Variants in RAPGEF6 observed in about 807,000 individuals in gnomAD.
The protein encoded by RAPGEF6 is Rap guanine nucleotide exchange factor 6, also known as PDZ domain containing guanine nucleotide exchange factor (GEF) 2.
RAPGEF6 carries 56 observed loss-of-function variants against 171.4 expected under a neutral mutation model. The ratio of observed to expected loss-of-function variants is 0.33; its 90% CI spans 0.26 to 0.41. RAPGEF6 has a LOEUF of 0.41. RAPGEF6 is among the 10% of genes least tolerant of loss of function. RAPGEF6 has a pLI of 1.00. For synonymous variants in RAPGEF6, 692 were observed against 650.1 expected (o/e 1.06, Z -0.98); for missense variants, 1,674 against 1,921.4 (o/e 0.87, Z 2.41).
intron 8 of RAPGEF6, among the ~76,000 whole-genome samples, chr5:131,509,412 G>A (rs948285452): frequency 1.3e-5 from 2 of 151,854 alleles, no homozygotes; most frequent in African/African-American, 4.8e-5. Context: ...GCGTGGTGGC[G>A]GGCGCCTGTA....
chr5:131,605,814 A>C (rs1407740518), intron 1 of RAPGEF6, among the ~76,000 whole-genome samples: 1 of 151,902 alleles, frequency 6.6e-6, no homozygotes, highest in Non-Finnish European at 1.5e-5. Flanking sequence ...GCGGAACATG[A>C]GGTCAGGAGA....
intron 6 of RAPGEF6, among the ~76,000 whole-genome samples, chr5:131,521,916 C>G (rs1278826974): frequency 1.3e-5 from 2 of 151,524 alleles, no homozygotes; most frequent in Non-Finnish European, 3.0e-5. Context: ...CACACACACA[C>G]TCACTCTCCC....
intron 1 of RAPGEF6, among the ~76,000 whole-genome samples, chr5:131,614,364 GC>G (rs1192086996): frequency 6.6e-6 from 1 of 151,692 alleles, no homozygotes; most frequent in Non-Finnish European, 1.5e-5. Flanking sequence ...AAGAGGTTTG[GC>G]TCATGGTCCT....
intron 1 of RAPGEF6, among the ~76,000 whole-genome samples, chr5:131,606,345 T>A (rs547040227): frequency 7.3e-5 from 10 of 137,838 alleles, no homozygotes; most frequent in African/African-American, 1.4e-4. Flanking sequence ...GTCTAGGCGA[T>A]TGAGACTCCA....
chr5:131,626,259 C>T (rs1464962760), intron 1 of RAPGEF6, among the ~76,000 whole-genome samples: 1 of 152,146 alleles, frequency 6.6e-6, no homozygotes, highest in Admixed American at 6.6e-5. Flanking sequence ...AGCACTGCCC[C>T]ATCTCTAATT....
intron 7 of RAPGEF6, 27 bp from the exon 8 acceptor site, chr5:131,510,518 C>T: frequency 6.3e-7 from 1 of 1,592,188 alleles, no homozygotes. Flanking sequence ...TGATCACTTA[C>T]CATTTCATGT....
chr5:131,509,519 G>T (rs1489800295), intron 8 of RAPGEF6, among the ~76,000 whole-genome samples: 1 of 151,138 alleles, frequency 6.6e-6, no homozygotes, highest in East Asian at 1.9e-4. Flanking sequence ...CTCCAGCCTG[G>T]GCGACAGAGT....
rs180966167 is a variant in RAPGEF6 at position 131,455,354 on chromosome 5, G to A, written c.3076+447C>T. Among the ~76,000 whole-genome samples the A allele has an allele frequency of 1.1e-3, 174 of 152,280 alleles. 1 individual carries two copies. The highest frequency in any genetic ancestry group is 3.7e-3 in the African/African-American group (154 of 41,562). ...GCTCACTGTAAGCTCCGCCTCCCGG[G>A]CTCCTGCCATTCTCCTGCCTCAGCC... On this transcript the variant is annotated intron_variant, in intron 20 of 27. Coordinates refer to ENST00000509018, the MANE Select transcript of RAPGEF6 (RefSeq NM_016340.6).
At chr5:131,580,237 C>A (rs1414179866) in intron 4 of RAPGEF6, among the ~76,000 whole-genome samples, 1 of 152,208 alleles carries the variant, frequency 6.6e-6, no homozygotes, top group Non-Finnish European at 1.5e-5. Context: ...GCCGGCAGTG[C>A]TGGGGGAACC....
chr5:131,618,391 G>C (rs1472761092), intron 1 of RAPGEF6, among the ~76,000 whole-genome samples: 1 of 152,130 alleles, frequency 6.6e-6, no homozygotes, highest in Admixed American at 6.5e-5. Flanking sequence ...AGCACTTTGG[G>C]AGGTCAAGGT....
chr5:131,518,639 G>A (rs1458006860), intron 7 of RAPGEF6, among the ~76,000 whole-genome samples: 8 of 151,884 alleles, frequency 5.3e-5, no homozygotes, highest in African/African-American at 1.7e-4. Flanking sequence ...CAGGTGATCC[G>A]CCCACCTCTG....
chr5:131,439,928 G>T, intron 23 of RAPGEF6: 1 of 816,342 alleles, frequency 1.2e-6, no homozygotes, highest in Non-Finnish European at 1.8e-6. Flanking sequence ...GGTCAGCATG[G>T]ACCAGATTAT....
rs1229478116 is a variant in RAPGEF6 at position 131,616,340 on chromosome 5, A to G, written c.70-11647T>C. Among the ~76,000 whole-genome samples the G allele has an allele frequency of 2.6e-5, 4 of 152,216 alleles. No homozygotes were observed. The East Asian group carries it at 5.8e-4, about 22-fold the overall frequency. The stretch of plus-strand genomic sequence containing the variant: ...CAATTTAGTTGTTAAATGAAAATAA[A>G]CTCATATTTGGAGCACTGTATAAAC... On this transcript the variant is annotated intron_variant, in intron 1 of 27. Transcript: ENST00000509018.
At chr5:131,491,717 C>G (rs1254489024) in intron 14 of RAPGEF6, among the ~76,000 whole-genome samples, 1 of 152,120 alleles carries the variant, frequency 6.6e-6, no homozygotes, top group East Asian at 1.9e-4. Flanking sequence ...CTAGGGCACT[C>G]CTTATGAAAA....
chr5:131,530,595 A>G (rs1257587288), intron 6 of RAPGEF6, among the ~76,000 whole-genome samples: 1 of 152,214 alleles, frequency 6.6e-6, no homozygotes, highest in East Asian at 1.9e-4. Context: ...ATCAACAGTA[A>G]CATGAGGGAA....
At chr5:131,469,669 G>C in intron 17 of RAPGEF6, 1 of 596,214 alleles carries the variant, frequency 1.7e-6, no homozygotes, top group Non-Finnish European at 2.7e-6. Context: ...GTTAATACTG[G>C]CTACCTTCTA....
chr5:131,433,708 G>T, intron 24 of RAPGEF6, 50 bp from the exon 25 acceptor site: 1 of 1,371,268 alleles, frequency 7.3e-7, no homozygotes, highest in Non-Finnish European at 1.0e-6. Flanking sequence ...GGAACATATG[G>T]TGGGGGTAGT....
chr5:131,462,606 G>T (rs1176646484), intron 18 of RAPGEF6, among the ~76,000 whole-genome samples: 1 of 152,110 alleles, frequency 6.6e-6, no homozygotes, highest in East Asian at 1.9e-4. Context: ...TCCACTAATG[G>T]TTTCTCCCTT....
rs181879680 is a variant in RAPGEF6, at chr5:131,593,947, C to A, written c.198-1481G>T. On this transcript the variant is annotated intron_variant, in intron 3 of 27. Coordinates refer to ENST00000509018, the MANE Select transcript of RAPGEF6 (RefSeq NM_016340.6). ...CCTGATAATGTGGTAGAAAAGAAAA[C>A]CCCATTCTCTGGGGAGAAATTCAAG... Among the ~76,000 whole-genome samples, 39 of 152,302 alleles carry A rather than the reference C, an allele frequency of 2.6e-4. No individual in the cohort carries two copies. In the East Asian group the frequency reaches 7.3e-3, roughly 29 times the overall value.
Sources: gnomAD v4.1 joint callset for allele counts (sites outside exome capture counted in the v4.1 genomes callset) on GRCh38, gnomAD v4.1.1 for gene constraint, MANE v1.5 for transcripts, NCBI Gene and HGNC (gene_info 2026-07-23, HGNC 2026-07-21) for gene names.